IL16: variants seen among roughly 807,000 people sequenced by gnomAD.
The protein encoded by IL16 is pro-interleukin-16.
A neutral mutation model predicts 110.1 loss-of-function variants in IL16; 67 were observed. That is an observed-to-expected ratio of 0.61 (90% CI 0.50 to 0.75). IL16 has a LOEUF of 0.75. IL16 is among the 30% of genes least tolerant of loss of function. IL16 has a pLI of 0.00. For synonymous variants in IL16, 689 were observed against 662.9 expected (o/e 1.04, Z -0.61); for missense variants, 1,545 against 1,655.0 (o/e 0.93, Z 1.15).
chr15:81,208,369 G>A (rs141159504), intron 1 of IL16, among the ~76,000 whole-genome samples: 6 of 152,230 alleles, frequency 3.9e-5, no homozygotes, highest in Admixed American at 2.0e-4. Context: ...GCAGAAGCTC[G>A]TTAGCTTAAT....
At chr15:81,204,396 G>A (rs1895933999) in intron 1 of IL16, among the ~76,000 whole-genome samples, 1 of 152,094 alleles carries the variant, frequency 6.6e-6, no homozygotes, top group Admixed American at 6.5e-5. Flanking sequence ...TCCCTGTCTT[G>A]TGCCCGTTTT....
intron 1 of IL16, among the ~76,000 whole-genome samples, chr15:81,185,008 G>A (rs1468979041): frequency 6.6e-6 from 1 of 152,114 alleles, no homozygotes. Context: ...GAGTCACCTG[G>A]GGATCCTTGG....
intron 1 of IL16, among the ~76,000 whole-genome samples, chr15:81,185,603 C>T (rs1895408213): frequency 6.6e-6 from 1 of 152,090 alleles, no homozygotes; most frequent in African/African-American, 2.4e-5. Context: ...AATTTATTTT[C>T]AACAAATTAT....
At chr15:81,253,347 C>T (rs1222955978) in intron 2 of IL16, among the ~76,000 whole-genome samples, 4 of 152,066 alleles carry the variant, frequency 2.6e-5, no homozygotes, top group Non-Finnish European at 5.9e-5. Flanking sequence ...GAGTGGTAAG[C>T]ATCCTTTGTA....
chr15:81,234,286 A>T (rs1897111368), intron 2 of IL16, among the ~76,000 whole-genome samples: 1 of 151,796 alleles, frequency 6.6e-6, no homozygotes, highest in South Asian at 2.1e-4. Flanking sequence ...ATCTATGTGT[A>T]CTCTCTTATT....
At chr15:81,290,371 C>T (rs929612104) in intron 10 of IL16, 82 bp from the exon 11 acceptor site, 16 of 874,940 alleles carry the variant, frequency 1.8e-5, no homozygotes, top group African/African-American at 3.5e-5. Context: ...TCCAGTGGCC[C>T]AGCTTTGGAG....
intron 1 of IL16, among the ~76,000 whole-genome samples, chr15:81,198,411 C>T (rs1478816704): frequency 1.3e-5 from 2 of 152,120 alleles, no homozygotes; most frequent in African/African-American, 4.8e-5. Context: ...CTCTCACTGG[C>T]TTTGTGGCAT....
intron 10 of IL16, among the ~76,000 whole-genome samples, chr15:81,286,444 G>C (rs1182609559): frequency 6.6e-6 from 1 of 152,202 alleles, no homozygotes; most frequent in Non-Finnish European, 1.5e-5. Context: ...AAGGAGAGGA[G>C]TGGGTTCTGT....
chr15:81,277,221 T>C lies in IL16; in HGVS notation c.791-1596T>C, dbSNP rs142974978. ...GAAAAAGATGAGCACTAAAGAAATA[T>C]GGAGAATAGGTTGAAAGGGTCCAAA... On this transcript the variant is annotated intron_variant, in intron 6 of 18. Transcript: ENST00000683961. Among the ~76,000 whole-genome samples the C allele has an allele frequency of 2.4e-3, 369 of 152,058 alleles. 2 individuals are homozygous for C. Among genetic ancestry groups the C allele is most frequent in the African/African-American group, 8.0e-3 (332 of 41,478 alleles).
Position 81,296,945 on chromosome 15 carries a change from G to C in IL16, c.1920G>C (p.Leu640=). ...CACCACAGGAAGCGAGAGAGCTGCT[G>C]CCACTGCTGCTACCACAGGAAGACA... is the stretch of plus-strand genomic sequence containing the variant. ...PTCGQEAREL[L]PLLLPQEDTA... The change falls in exon 13 of 19, where the codon CTG becomes CTC. Residue 640 remains leucine (L), a synonymous_variant. Coordinates refer to ENST00000683961, the MANE Select transcript of IL16 (RefSeq NM_172217.5). 6.2e-7 allele frequency: 1 copy of C among 1,611,956 alleles called. No homozygotes were observed. Among genetic ancestry groups the C allele is most frequent in the Non-Finnish European group, 8.5e-7 (1 of 1,179,100 alleles).
At chr15:81,217,331 T>G (rs1896468652) in intron 1 of IL16, among the ~76,000 whole-genome samples, 1 of 152,224 alleles carries the variant, frequency 6.6e-6, no homozygotes, top group Admixed American at 6.5e-5. Context: ...AGAGTACTTT[T>G]ATGACAATGT....
Position 81,303,015 on chromosome 15 carries a change from A to ATATGTGTG in IL16, c.3319-533_3319-532insATGTGTGT, listed in dbSNP as rs774299225. On this transcript the variant is annotated intron_variant, in intron 15 of 18. Coordinates refer to ENST00000683961, the MANE Select transcript of IL16 (RefSeq NM_172217.5). This position sits in a 1 kb window ranked among gnomAD's most constrained non-coding sequence, Gnocchi z 4.1. ...GTCTAGGCTAGGAAGTACCGTAGTA[A>ATATGTGTG]TGTGTGTGTGTGTGTGTGTGTGTGT... 3.3e-5 allele frequency among the ~76,000 whole-genome samples: 5 copies of ATATGTGTG among 150,038 alleles called. No homozygotes were observed. The highest frequency in any genetic ancestry group is 2.1e-4 in the South Asian group (1 of 4,754).
intron 2 of IL16, among the ~76,000 whole-genome samples, chr15:81,249,637 T>C (rs1429296050): frequency 6.6e-6 from 1 of 152,220 alleles, no homozygotes; most frequent in Non-Finnish European, 1.5e-5. Context: ...TTTTAGTGTT[T>C]TGCAGTTTTG....
At chr15:81,274,201 G>A (rs1898790227) in intron 6 of IL16, among the ~76,000 whole-genome samples, 1 of 152,198 alleles carries the variant, frequency 6.6e-6, no homozygotes, top group African/African-American at 2.4e-5. Flanking sequence ...GGGCAGGGTA[G>A]GCACACTACA....
Position 81,306,493 on chromosome 15 carries a change from G to C in IL16, c.3753G>C (p.Gly1251=). The C allele has an allele frequency of 6.2e-7, 1 of 1,613,330 alleles. No individual in the cohort carries two copies. Among genetic ancestry groups the C allele is most frequent in the Non-Finnish European group, 8.5e-7 (1 of 1,179,858 alleles). ...SAGLGFSLEG[G]KGSLHGDKPL... Reference sequence around the variant, plus strand: ...GGCTGGGCTTCAGCCTGGAAGGAGGGAAGGGCTCCCTACACGGAGACAAGC... The same window carrying C: ...GGCTGGGCTTCAGCCTGGAAGGAGGCAAGGGCTCCCTACACGGAGACAAGC... The change falls in exon 18 of 19, where the codon GGG becomes GGC. Residue 1251 remains glycine (G), a synonymous_variant. Transcript: ENST00000683961.
chr15:81,227,742 G>C (rs1456258289), intron 2 of IL16, among the ~76,000 whole-genome samples: 1 of 150,750 alleles, frequency 6.6e-6, no homozygotes, highest in African/African-American at 2.4e-5. Flanking sequence ...AGTGTAGGGA[G>C]ACCAGTGAGG....
At chr15:81,251,193 G>T (rs1381808292) in intron 2 of IL16, among the ~76,000 whole-genome samples, 9 of 152,094 alleles carry the variant, frequency 5.9e-5, no homozygotes, top group Non-Finnish European at 1.3e-4. Context: ...TAGAGACAGG[G>T]TCTCTCTCTG....
chr15:81,295,587 A>G, intron 12 of IL16: 1 of 1,030,098 alleles, frequency 9.7e-7, no homozygotes, highest in Non-Finnish European at 1.3e-6. Context: ...CATCAGGCCA[A>G]TATTTGGAGC....
chr15:81,233,502 T>C (rs1297684187), intron 2 of IL16, among the ~76,000 whole-genome samples: 1 of 150,470 alleles, frequency 6.6e-6, no homozygotes, highest in Non-Finnish European at 1.5e-5. Context: ...TGTGTCTTGA[T>C]TGATTCCTAG....
Sources: gnomAD v4.1 joint callset for allele counts (sites outside exome capture counted in the v4.1 genomes callset) on GRCh38, gnomAD v4.1.1 for gene constraint, Gnocchi (gnomAD v3.1) non-coding constraint, MANE v1.5 for transcripts, NCBI Gene and HGNC (gene_info 2026-07-23, HGNC 2026-07-21) for gene names.